The following CHST10 variants were observed in gnomAD, a reference collection of about 807,000 sequenced individuals.
The protein encoded by CHST10 is carbohydrate sulfotransferase 10.
Under a neutral mutation model 34.7 loss-of-function variants are expected in CHST10, and 24 were observed. The observed-to-expected ratio is 0.69, with a 90% confidence interval of 0.50 to 0.97. The LOEUF (loss-of-function observed/expected upper bound fraction) is 0.97, where lower values mean the gene tolerates loss of function less well. Ranked by LOEUF, CHST10 falls within the 50% of genes least tolerant of loss-of-function variation. The probability of loss-of-function intolerance (pLI) is 0.00; values close to 1 mark genes in which losing one functional copy is unlikely to be tolerated. For missense variants in CHST10, 402 were observed against 452.1 expected, an observed-to-expected ratio of 0.89 and a Z score of 1.00; for synonymous variants, 161 against 169.3, an observed-to-expected ratio of 0.95 and a Z score of 0.38.
intron 2 of CHST10, among the ~76,000 whole-genome samples, chr2:100,409,775 T>C (rs932273221): frequency 7.9e-5 from 12 of 152,212 alleles, no homozygotes; most frequent in African/African-American, 2.9e-4. Context: ...CAACTGACCA[T>C]GTATCATCCA....
intron 2 of CHST10, among the ~76,000 whole-genome samples, chr2:100,414,023 C>T (rs2104266335): frequency 6.6e-6 from 1 of 152,218 alleles, no homozygotes; most frequent in South Asian, 2.1e-4. Context: ...CATAGACGGG[C>T]CATAAACAAA....
chr2:100,395,587 G>C lies in CHST10; in HGVS notation c.455C>G (p.Pro152Arg). ...CTCGTGGTCGTGCACCACGTTTTCG[G>C]GGATCTCCTCAATGGAAGAAAATGC... ...NGAFSSIEEI[P>R]ENVVHDHEKN... is the part of the protein sequence containing the mutation. The change falls in exon 6 of 7, where the codon CCC (proline) becomes CGC (arginine). Residue 152 changes from proline to arginine, a missense_variant. Transcript: ENST00000264249. The C allele has an allele frequency of 6.2e-7, 1 of 1,614,048 alleles. No homozygotes were observed. The highest frequency in any genetic ancestry group is 8.5e-7 in the Non-Finnish European group (1 of 1,179,930).
At chr2:100,406,285 C>T (rs952971270) in intron 3 of CHST10, among the ~76,000 whole-genome samples, 4 of 152,226 alleles carry the variant, frequency 2.6e-5, no homozygotes, top group African/African-American at 7.2e-5. Context: ...GGCCACTGTG[C>T]TGCTGGGAGG....
rs574407740 is a variant in CHST10, at chr2:100,413,301, G to A, written c.-33+1740C>T. Among the ~76,000 whole-genome samples the A allele has an allele frequency of 7.9e-5, 12 of 152,254 alleles. No individual in the cohort carries two copies. In the South Asian group the frequency reaches 1.2e-3, roughly 16 times the overall value. ...CTGAGCCCCTACACGCCCTCCCTTC[G>A]GTCATGGCGCAGGCCCTGAACAGAG... On this transcript the variant is annotated intron_variant, in intron 2 of 6. Coordinates refer to ENST00000264249, the MANE Select transcript of CHST10 (RefSeq NM_004854.5).
In CHST10 at chr2:100,393,563, C is replaced by T; in HGVS notation, c.753G>A (p.Trp251Ter). Residue 251 changes from tryptophan (W) to a stop codon, truncating the protein, a stop_gained, in exon 7 of 7, where the codon TGG becomes TGA. Transcript: ENST00000264249. LOFTEE classifies it high-confidence loss of function. ...VRYLGDPNHR[W>*]LDLQFGDHII... ...TGTGGTCCCCAAACTGAAGGTCTAG[C>T]CATCTGTGGTTCGGATCGCCGAGGT... The T allele has an allele frequency of 6.2e-7, 1 of 1,614,126 alleles. No individual in the cohort carries two copies. The highest frequency in any genetic ancestry group is 8.5e-7 in the Non-Finnish European group (1 of 1,180,024).
rs146735593 is a variant in CHST10, at chr2:100,415,050, C to A, written c.-42G>T. ...ATTCTCCTTCACGTACCTTCTGCAG[C>A]CTGGGGCTCACATTTCCTTGCTGTG... On this transcript the variant is annotated 5_prime_UTR_variant, in exon 2 of 7. Transcript: ENST00000264249. The A allele has an allele frequency of 3.7e-4, 479 of 1,303,622 alleles. 4 individuals are homozygous for A. The East Asian group carries it at 0.014, about 37-fold the overall frequency. 80.8% of individuals were successfully genotyped at this position (1,303,622 alleles called of 1,614,324 possible).
At chr2:100,401,365 T>C (rs1180832130) in intron 4 of CHST10, among the ~76,000 whole-genome samples, 1 of 152,116 alleles carries the variant, frequency 6.6e-6, no homozygotes, top group Admixed American at 6.5e-5. Context: ...GTAAAGCACA[T>C]TCAGGCGCAG....
At chr2:100,416,899 G>A in intron 1 of CHST10, 2 of 1,177,358 alleles carry the variant, frequency 1.7e-6, no homozygotes, top group Middle Eastern at 2.2e-4. Flanking sequence ...ACTTCGGACA[G>A]GCCTCCTGAC....
At chr2:100,397,874 C>T (rs1350771093) in intron 5 of CHST10, 34 bp downstream of exon 5, 1 of 1,553,832 alleles carries the variant, frequency 6.4e-7, no homozygotes, top group South Asian at 1.2e-5. Flanking sequence ...CACCAAGACC[C>T]TTCCCAGTGG....
intron 2 of CHST10, among the ~76,000 whole-genome samples, chr2:100,411,230 C>T (rs1471405584): frequency 6.6e-6 from 1 of 151,450 alleles, no homozygotes; most frequent in Non-Finnish European, 1.5e-5. Context: ...GATTCTCCTG[C>T]CTCAGCCTCC....
intron 6 of CHST10, 126 bp from the exon 7 acceptor site, chr2:100,393,908 T>C (rs1054344964): frequency 2.5e-5 from 17 of 687,036 alleles, no homozygotes; most frequent in Non-Finnish European, 4.1e-5. Flanking sequence ...GAGGCTGCCA[T>C]GAATGCATTC....
In CHST10 at chr2:100,393,010, C is replaced by T. The variant is rs1485696556; in HGVS notation, c.*235G>A. ...CCCCTCTGAGGTGAGCAAAGGCCAGCGACATCCTAATGCACGCAGGGGTGT... is the reference window on the plus strand; with the variant it reads ...CCCCTCTGAGGTGAGCAAAGGCCAGTGACATCCTAATGCACGCAGGGGTGT... On this transcript the variant is annotated 3_prime_UTR_variant, in exon 7 of 7. Transcript: ENST00000264249. 8.9e-6 allele frequency: 5 copies of T among 564,280 alleles called. No individual in the cohort carries two copies. Among genetic ancestry groups the T allele is most frequent in the African/African-American group, 1.9e-5 (1 of 53,222 alleles). The allele number at this position is 564,280 out of a possible 1,614,324, so 35.0% of individuals were successfully genotyped here. A position where few individuals can be genotyped will look rare whatever the true frequency, so the allele number is the denominator to read the frequency against.
At chr2:100,406,472 G>A (rs1268572651) in intron 3 of CHST10, 104 bp downstream of exon 3, 1 of 1,440,032 alleles carries the variant, frequency 6.9e-7, no homozygotes, top group African/African-American at 1.4e-5. Flanking sequence ...TGGCATGAAA[G>A]TCCTTTGACT....
At chr2:100,412,714 A>C (rs1350859058) in intron 2 of CHST10, among the ~76,000 whole-genome samples, 1 of 152,198 alleles carries the variant, frequency 6.6e-6, no homozygotes, top group African/African-American at 2.4e-5. Context: ...CATCTTAAGA[A>C]GGAAAATTGG....
At chr2:100,416,700 C>CAACAACAA (rs371745647) in intron 1 of CHST10, 4 of 334,022 alleles carry the variant, frequency 1.2e-5, no homozygotes, top group African/African-American at 8.6e-5. Context: ...ACAACAACAA[C>CAACAACAA]AACAACAACA....
At chr2:100,415,209 C>A in intron 1 of CHST10, 98 bp from the exon 2 acceptor site, 1 of 593,890 alleles carries the variant, frequency 1.7e-6, no homozygotes, top group Non-Finnish European at 2.6e-6. Context: ...AAATAGTGAA[C>A]CATTTTGATG....
At chr2:100,398,386 A>ATG (rs59600140) in intron 4 of CHST10, among the ~76,000 whole-genome samples, 21,313 of 152,038 alleles carry the variant, frequency 0.14, 3,913 homozygotes, top group African/African-American at 0.42. Flanking sequence ...GGTTCCTCAG[A>ATG]TCTTTGGAGA....
chr2:100,402,705 G>A, intron 3 of CHST10, 50 bp from the exon 4 acceptor site: 1 of 1,509,394 alleles, frequency 6.6e-7, no homozygotes. Flanking sequence ...AAGGCACACA[G>A]GTGGATGGGA....
intron 6 of CHST10, among the ~76,000 whole-genome samples, chr2:100,394,114 C>T (rs1041085057): frequency 6.6e-6 from 1 of 152,172 alleles, no homozygotes; most frequent in African/African-American, 2.4e-5. Flanking sequence ...AGAATGTTTA[C>T]AAATTTTGTT....
Sources: allele counts gnomAD v4.1 joint callset (sites outside exome capture counted in the v4.1 genomes callset), GRCh38; gene constraint gnomAD v4.1.1; transcripts MANE v1.5; gene names NCBI Gene and HGNC (gene_info 2026-07-23, HGNC 2026-07-21).